FKBP5: variants seen among roughly 807,000 people sequenced by gnomAD.
FKBP5 encodes the protein FKBP prolyl isomerase 5, also known as peptidyl-prolyl cis-trans isomerase FKBP5.
Under a neutral mutation model 50.5 loss-of-function variants are expected in FKBP5, and 23 were observed. That is an observed-to-expected ratio of 0.46 (90% CI 0.33 to 0.65). The LOEUF is 0.65. Among genes scored for constraint, FKBP5 ranks in the 30% least tolerant of loss-of-function variants. The pLI, the probability that FKBP5 is intolerant of heterozygous loss-of-function variation, is 0.02. For missense variants in FKBP5, 411 were observed against 553.1 expected (o/e 0.74, Z 2.58); for synonymous variants, 176 against 190.6 (o/e 0.92, Z 0.63).
chr6:35,700,920 C>T (rs2151018629), intron 2 of FKBP5, among the ~76,000 whole-genome samples: 1 of 152,164 alleles, frequency 6.6e-6, no homozygotes, highest in African/African-American at 2.4e-5. Context: ...GATCAAGCCA[C>T]TGCACTCCAG....
intron 1 of FKBP5, among the ~76,000 whole-genome samples, chr6:35,654,736 T>C (rs995317308): frequency 1.3e-5 from 2 of 152,330 alleles, no homozygotes; most frequent in Non-Finnish European, 1.5e-5. Context: ...GCGATTCTCC[T>C]GCCTCAGCCT....
chr6:35,612,626 TG>T (rs1763524240), intron 5 of FKBP5, among the ~76,000 whole-genome samples: 1 of 152,238 alleles, frequency 6.6e-6, no homozygotes, highest in South Asian at 2.1e-4. Context: ...TTCACATGGC[TG>T]GGGAAGCCTC....
chr6:35,653,092 G>A (rs1179020571), intron 1 of FKBP5, among the ~76,000 whole-genome samples: 2 of 152,156 alleles, frequency 1.3e-5, no homozygotes, highest in Non-Finnish European at 2.9e-5. Flanking sequence ...CAGGCACAGT[G>A]GCTCAAGCCT....
intron 2 of FKBP5, among the ~76,000 whole-genome samples, chr6:35,641,869 G>A (rs1266069091): frequency 6.6e-6 from 1 of 151,812 alleles, no homozygotes; most frequent in African/African-American, 2.4e-5. Flanking sequence ...GGTAGCAGGC[G>A]CCTGTAATCC....
At chr6:35,676,131 TAGAAAA>T (rs1305391236) in intron 1 of FKBP5, among the ~76,000 whole-genome samples, 2 of 151,752 alleles carry the variant, frequency 1.3e-5, no homozygotes, top group Non-Finnish European at 2.9e-5. Context: ...GTAAAGCAAA[TAGAAAA>T]AGAAAAGGCA....
At chr6:35,609,905 G>A (rs1244502337) in intron 5 of FKBP5, among the ~76,000 whole-genome samples, 1 of 152,248 alleles carries the variant, frequency 6.6e-6, no homozygotes, top group African/African-American at 2.4e-5. Context: ...ACAATAATTA[G>A]TATTTTTAAG....
At chr6:35,683,368 T>C (rs145267570) in intron 1 of FKBP5, among the ~76,000 whole-genome samples, 264 of 151,906 alleles carry the variant, frequency 1.7e-3, no homozygotes, top group African/African-American at 6.2e-3. Context: ...CCCAGGCTGG[T>C]CTCTAACTCC....
intron 2 of FKBP5, among the ~76,000 whole-genome samples, chr6:35,638,447 C>T (rs976365038): frequency 9.9e-5 from 15 of 152,106 alleles, no homozygotes; most frequent in African/African-American, 3.4e-4. Context: ...CAGGGTCTTG[C>T]TCTTTTACCC....
chr6:35,664,550 C>T (rs993582810), intron 1 of FKBP5, among the ~76,000 whole-genome samples: 2 of 152,152 alleles, frequency 1.3e-5, no homozygotes, highest in African/African-American at 4.8e-5. Context: ...AGGTAGGCTG[C>T]AGTAACATTT....
intron 3 of FKBP5, among the ~76,000 whole-genome samples, chr6:35,624,497 ATT>A (rs34356639): frequency 6.6e-6 from 1 of 150,976 alleles, no homozygotes; most frequent in Non-Finnish European, 1.5e-5. Flanking sequence ...AAGAAAAAAA[ATT>A]TTTTTTTTGT....
At chr6:35,613,098 C>T (rs916057715) in intron 5 of FKBP5, among the ~76,000 whole-genome samples, 1 of 152,212 alleles carries the variant, frequency 6.6e-6, no homozygotes, top group Admixed American at 6.5e-5. Context: ...TCTCTTTACA[C>T]AGAAATGACA....
At chr6:35,724,153 C>T (rs186956986) in intron 1 of FKBP5, among the ~76,000 whole-genome samples, 3 of 152,316 alleles carry the variant, frequency 2.0e-5, no homozygotes, top group Non-Finnish European at 2.9e-5. Context: ...CTAAGAGAGG[C>T]CGTGTCACTG....
At chr6:35,627,559 T>C (rs866432337) in intron 3 of FKBP5, among the ~76,000 whole-genome samples, 1 of 152,166 alleles carries the variant, frequency 6.6e-6, no homozygotes, top group Non-Finnish European at 1.5e-5. Context: ...TTTTCTCCCA[T>C]TCCATAGGCT....
chr6:35,604,015 T>C (rs1357188941), intron 5 of FKBP5, among the ~76,000 whole-genome samples: 1 of 151,704 alleles, frequency 6.6e-6, no homozygotes, highest in Non-Finnish European at 1.5e-5. Context: ...CTCTTTATTG[T>C]TTTTGTTTTG....
At chr6:35,680,707 G>GA (rs1368162293) in intron 1 of FKBP5, among the ~76,000 whole-genome samples, 1 of 152,178 alleles carries the variant, frequency 6.6e-6, no homozygotes, top group Non-Finnish European at 1.5e-5. Flanking sequence ...TCCTGCCTAT[G>GA]AAAAATAGCA....
chr6:35,623,549 G>C (rs898986101), intron 3 of FKBP5, among the ~76,000 whole-genome samples: 1 of 151,588 alleles, frequency 6.6e-6, no homozygotes, highest in Non-Finnish European at 1.5e-5. Flanking sequence ...TTGCCCAACT[G>C]TCTTTACGAA....
At chr6:35,676,099 AAG>A (rs1315005006) in intron 1 of FKBP5, among the ~76,000 whole-genome samples, 3 of 152,246 alleles carry the variant, frequency 2.0e-5, no homozygotes, top group African/African-American at 7.2e-5. Flanking sequence ...AGAAGAGAAA[AAG>A]AGGGATTTGA....
intron 7 of FKBP5, among the ~76,000 whole-genome samples, chr6:35,589,186 T>G (rs1322423367): frequency 6.8e-6 from 1 of 147,652 alleles, no homozygotes; most frequent in Non-Finnish European, 1.5e-5. Flanking sequence ...TGGAGTGCAG[T>G]GGCATGATCT....
intron 10 of FKBP5, among the ~76,000 whole-genome samples, chr6:35,576,711 T>C (rs1210744814): frequency 6.6e-6 from 1 of 151,058 alleles, no homozygotes; most frequent in Non-Finnish European, 1.5e-5. Context: ...TGGTGCAAAA[T>C]TGCTGTTTTT....
Sources: gnomAD v4.1 joint callset for allele counts (sites outside exome capture counted in the v4.1 genomes callset) on GRCh38, gnomAD v4.1.1 for gene constraint, MANE v1.5 for transcripts, NCBI Gene and HGNC (gene_info 2026-07-23, HGNC 2026-07-21) for gene names.